Variants in STX18 observed in about 807,000 individuals in gnomAD.
STX18 encodes syntaxin-18.
A neutral mutation model predicts 50.1 loss-of-function variants in STX18; 40 were observed. That is an observed-to-expected ratio of 0.80 (90% confidence interval 0.62 to 1.04). STX18 has a LOEUF of 1.04. STX18 is among the 50% of genes least tolerant of loss of function. The pLI, the probability that STX18 is intolerant of heterozygous loss-of-function variation, is 0.00. For synonymous variants in STX18, 158 were observed against 151.8 expected, an observed-to-expected ratio of 1.04 and a Z score of -0.30; for missense variants, 410 against 415.8, an observed-to-expected ratio of 0.99 and a Z score of 0.12.
At chr4:4,531,501 T>G (rs1420397263) in intron 1 of STX18, among the ~76,000 whole-genome samples, 1 of 152,246 alleles carries the variant, frequency 6.6e-6, no homozygotes, top group Admixed American at 6.5e-5. Context: ...GCCATTGATG[T>G]TTGCCCACTA....
intron 1 of STX18, among the ~76,000 whole-genome samples, chr4:4,532,473 C>CAA (rs201462606): frequency 1.4e-5 from 2 of 147,256 alleles, no homozygotes; most frequent in Non-Finnish European, 1.5e-5. Flanking sequence ...CAAACCAAAA[C>CAA]AAAAAAAAAA....
chr4:4,515,054 A>G (rs538398430), intron 1 of STX18, among the ~76,000 whole-genome samples: 1 of 152,210 alleles, frequency 6.6e-6, no homozygotes, highest in African/African-American at 2.4e-5. Context: ...TTTAAGTTTC[A>G]CTTTCTCCAT....
chr4:4,438,571 C>T (rs1725916336), intron 5 of STX18, 62 bp from the exon 6 acceptor site: 8 of 1,343,146 alleles, frequency 6.0e-6, no homozygotes, highest in East Asian at 4.6e-5. Flanking sequence ...TTTTTGAAAA[C>T]AGAAGGAGTC....
chr4:4,430,325 A>T (rs1725457947), intron 7 of STX18, among the ~76,000 whole-genome samples: 1 of 152,222 alleles, frequency 6.6e-6, no homozygotes, highest in Non-Finnish European at 1.5e-5. Context: ...ACAGTGTTGT[A>T]TTTCTTTCTC....
chr4:4,443,835 AT>A (rs1048782000), intron 5 of STX18, among the ~76,000 whole-genome samples: 2 of 152,238 alleles, frequency 1.3e-5, no homozygotes, highest in Admixed American at 6.5e-5. Context: ...AAAAGTCAAG[AT>A]CCTCTGATGA....
chr4:4,479,216 G>A (rs1728342781), intron 1 of STX18, among the ~76,000 whole-genome samples: 1 of 152,140 alleles, frequency 6.6e-6, no homozygotes, highest in South Asian at 2.1e-4. Context: ...CAATCCCTTA[G>A]GGTAGGTATC....
intron 1 of STX18, among the ~76,000 whole-genome samples, chr4:4,528,716 C>A (rs150561308): frequency 5.8e-4 from 88 of 152,276 alleles, no homozygotes; most frequent in African/African-American, 2.1e-3. Flanking sequence ...GGCTCACAGC[C>A]GAGTGTGTCT....
chr4:4,533,621 C>T (rs1330626909), intron 1 of STX18, among the ~76,000 whole-genome samples: 1 of 152,226 alleles, frequency 6.6e-6, no homozygotes, highest in Non-Finnish European at 1.5e-5. Flanking sequence ...TTGACGTGAG[C>T]TTGGCTGATA....
chr4:4,476,137 C>G (rs2108842021), intron 1 of STX18: 2 of 152,328 alleles, frequency 1.3e-5, no homozygotes, highest in African/African-American at 4.8e-5. Flanking sequence ...TTCCATCAGA[C>G]TGATGGTCTA....
chr4:4,488,302 C>T (rs965718057), intron 1 of STX18, among the ~76,000 whole-genome samples: 3 of 151,550 alleles, frequency 2.0e-5, no homozygotes, highest in Non-Finnish European at 4.4e-5. Context: ...ACCCTACTGA[C>T]ATTTAAAAAA....
intron 7 of STX18, 178 bp from the exon 8 acceptor site, chr4:4,425,400 G>C: frequency 1.6e-6 from 1 of 619,384 alleles, no homozygotes. Context: ...CCTGCTTTCA[G>C]GAGAAAGTTT....
rs1234692651 is a variant in STX18 at position 4,420,231 on chromosome 4, G to GT, written c.913-103dup. 7 of 854,532 alleles carry GT rather than the reference G, an allele frequency of 8.2e-6. No individual in the cohort carries two copies. Among genetic ancestry groups the GT allele is most frequent in the Admixed American group, 6.3e-5 (3 of 47,894 alleles). The allele number at this position is 854,532 out of a possible 1,614,324, so 52.9% of individuals were successfully genotyped here. A position where few individuals can be genotyped will look rare whatever the true frequency, so the allele number is the denominator to read the frequency against. ...CCCACGTGCTCTCCTGATCCTGGCT[G>GT]TAACTATGGGTGTCGTTCCATCTGT... On this transcript the variant is annotated intron_variant, in intron 10 of 10. Transcript: ENST00000306200. The surrounding 1 kb of genome is among the most constrained non-coding windows in gnomAD (Gnocchi z 4.3).
chr4:4,471,319 G>A (rs1324009084), intron 2 of STX18, among the ~76,000 whole-genome samples: 9 of 152,212 alleles, frequency 5.9e-5, no homozygotes, highest in Non-Finnish European at 1.3e-4. Flanking sequence ...TCTTCCACAG[G>A]TTGAGGGCAT....
At chr4:4,532,191 A>T (rs997612547) in intron 1 of STX18, among the ~76,000 whole-genome samples, 7 of 152,228 alleles carry the variant, frequency 4.6e-5, no homozygotes, top group African/African-American at 1.7e-4. Flanking sequence ...AAGAATCTTG[A>T]TTTTATTTAA....
chr4:4,524,208 A>G (rs774862425), intron 1 of STX18, among the ~76,000 whole-genome samples: 1 of 152,206 alleles, frequency 6.6e-6, no homozygotes, highest in African/African-American at 2.4e-5. Flanking sequence ...TTCAGTTCAA[A>G]GTGGTATTTA....
chr4:4,519,063 A>C (rs974011456), intron 1 of STX18, among the ~76,000 whole-genome samples: 1 of 152,228 alleles, frequency 6.6e-6, no homozygotes, highest in Non-Finnish European at 1.5e-5. Flanking sequence ...ATAATTTTCT[A>C]GGACAGAGAC....
intron 1 of STX18, among the ~76,000 whole-genome samples, chr4:4,489,391 ATTTTTTTTTTTTTTTTTTTTTTTT>A (rs34563523): frequency 7.7e-5 from 4 of 51,678 alleles, no homozygotes; most frequent in South Asian, 8.7e-4. Flanking sequence ...ATGCAAAATA[ATTTTTTTTTTTTTTTTTTTTTTTT>A]TTTTTTTTTT....
At chr4:4,472,717 G>C (rs768899248) in intron 1 of STX18, among the ~76,000 whole-genome samples, 3 of 152,032 alleles carry the variant, frequency 2.0e-5, no homozygotes, top group Non-Finnish European at 4.4e-5. Context: ...TGCAAGGAGG[G>C]GCTGCCCATC....
At chr4:4,479,347 T>C (rs1356118190) in intron 1 of STX18, among the ~76,000 whole-genome samples, 4 of 152,246 alleles carry the variant, frequency 2.6e-5, no homozygotes, top group Admixed American at 6.5e-5. Flanking sequence ...TGTGTGCTTT[T>C]AGCTTCTGCA....
Sources: gnomAD v4.1 joint callset for allele counts (sites outside exome capture counted in the v4.1 genomes callset) on GRCh38, gnomAD v4.1.1 for gene constraint, Gnocchi (gnomAD v3.1) non-coding constraint, MANE v1.5 for transcripts, NCBI Gene and HGNC (gene_info 2026-07-23, HGNC 2026-07-21) for gene names.